Variants in AFF3 observed in about 807,000 individuals in gnomAD.
AFF3 encodes ALF transcription elongation factor 3.
Under a neutral mutation model 129.7 loss-of-function variants are expected in AFF3, and 32 were observed. The observed-to-expected ratio is 0.25, with a 90% CI of 0.19 to 0.33. AFF3 has a LOEUF of 0.33. Ranked by LOEUF, AFF3 falls within the 10% of genes least tolerant of loss-of-function variation. The probability of loss-of-function intolerance (pLI) is 1.00; values close to 1 mark genes in which losing one functional copy is unlikely to be tolerated. For missense variants in AFF3, 1,373 were observed against 1,592.0 expected (o/e 0.86, Z 2.34); for synonymous variants, 644 against 635.4 (o/e 1.01, Z -0.20).
chr2:99,820,731 C>T (rs1162623361), intron 8 of AFF3, among the ~76,000 whole-genome samples: 1 of 52,776 alleles, frequency 1.9e-5, no homozygotes, highest in Admixed American at 1.8e-4. Context: ...TCTTCTGTGA[C>T]CTTTTTCCTA....
At chr2:99,648,917 A>ACTCTCTCT (rs769906171) in intron 13 of AFF3, among the ~76,000 whole-genome samples, 89 of 46,850 alleles carry the variant, frequency 1.9e-3, no homozygotes, top group Middle Eastern at 0.011. Context: ...ACACACACAC[A>ACTCTCTCT]CTCTCTCTCT....
At chr2:99,883,600 C>CT (rs1275923099) in intron 7 of AFF3, among the ~76,000 whole-genome samples, 1 of 152,142 alleles carries the variant, frequency 6.6e-6, no homozygotes, top group African/African-American at 2.4e-5. Flanking sequence ...CCTCAAAGGT[C>CT]TTTTTTCTTT....
chr2:100,105,471 T>G, intron 3 of AFF3, 33 bp downstream of exon 3: 1 of 1,324,908 alleles, frequency 7.5e-7, no homozygotes, highest in Non-Finnish European at 1.0e-6. Flanking sequence ...TGGCCAGCCC[T>G]GGAAACCAAC....
intron 7 of AFF3, among the ~76,000 whole-genome samples, chr2:99,972,928 C>G (rs1301737118): frequency 1.3e-5 from 2 of 152,184 alleles, no homozygotes; most frequent in African/African-American, 4.8e-5. Context: ...CTTTGTTAAA[C>G]CTGGCACCAG....
chr2:100,041,016 G>A (rs1202848670), intron 4 of AFF3, among the ~76,000 whole-genome samples: 1 of 152,244 alleles, frequency 6.6e-6, no homozygotes, highest in Non-Finnish European at 1.5e-5. Flanking sequence ...TCAATGCAGA[G>A]CCAAAGCCTG....
At chr2:99,812,382 A>G (rs891562577) in intron 8 of AFF3, among the ~76,000 whole-genome samples, 1 of 152,334 alleles carries the variant, frequency 6.6e-6, no homozygotes, top group Non-Finnish European at 1.5e-5. Context: ...CTGAAAAGTC[A>G]TGATCACCTG....
intron 8 of AFF3, among the ~76,000 whole-genome samples, chr2:99,784,595 C>T (rs1443028068): frequency 6.6e-6 from 1 of 152,184 alleles, no homozygotes; most frequent in African/African-American, 2.4e-5. Context: ...CGGCATAAAG[C>T]TTTGCGCAGT....
At chr2:100,071,946 T>C (rs1688221383) in intron 4 of AFF3, among the ~76,000 whole-genome samples, 1 of 152,216 alleles carries the variant, frequency 6.6e-6, no homozygotes, top group Non-Finnish European at 1.5e-5. Flanking sequence ...GCATTTATCA[T>C]GTATTTTTAT....
In AFF3 at chr2:100,122,691, T is replaced by A. The variant is rs896721452; in HGVS notation, c.-145+6533A>T. Among the ~76,000 whole-genome samples the A allele has an allele frequency of 7.2e-5, 11 of 152,184 alleles. No homozygotes were observed. The East Asian group carries it at 2.1e-3, about 29-fold the overall frequency. ...AGAAGAGAGGAAAGCAAAATGGCTG[T>A]TTGATAAATGAAGTCAATGTTTCTC... On this transcript the variant is annotated intron_variant, in intron 2 of 24. Coordinates refer to ENST00000672756, the MANE Select transcript of AFF3 (RefSeq NM_001386135.1).
chr2:99,873,728 GTT>G (rs112561437), intron 7 of AFF3, among the ~76,000 whole-genome samples: 16 of 138,794 alleles, frequency 1.2e-4, no homozygotes, highest in Non-Finnish European at 1.3e-4. Context: ...CATCTTAGTG[GTT>G]TTTTTTTTTT....
chr2:99,945,964 A>G (rs1307291674), intron 7 of AFF3, among the ~76,000 whole-genome samples: 9 of 152,248 alleles, frequency 5.9e-5, no homozygotes, highest in African/African-American at 1.9e-4. Flanking sequence ...ATTAGTATCA[A>G]TGACTACGTA....
intron 7 of AFF3, among the ~76,000 whole-genome samples, chr2:99,937,698 T>C (rs1037412276): frequency 7.9e-5 from 12 of 152,160 alleles, no homozygotes; most frequent in Admixed American, 7.2e-4. Flanking sequence ...CGCCCGGCCC[T>C]GCATTTGATT....
At chr2:99,703,153 G>C (rs776545553) in intron 11 of AFF3, among the ~76,000 whole-genome samples, 1 of 152,210 alleles carries the variant, frequency 6.6e-6, no homozygotes, top group African/African-American at 2.4e-5. Context: ...ATGATGCAGG[G>C]CTGTGTTCCT....
At chr2:99,816,265 C>A (rs1687225629) in intron 8 of AFF3, among the ~76,000 whole-genome samples, 1 of 152,148 alleles carries the variant, frequency 6.6e-6, no homozygotes, top group African/African-American at 2.4e-5. Flanking sequence ...TTTACCTTCT[C>A]CATAAGAGCC....
chr2:99,975,167 G>C (rs1377850419), intron 7 of AFF3, among the ~76,000 whole-genome samples: 1 of 152,140 alleles, frequency 6.6e-6, no homozygotes, highest in East Asian at 1.9e-4. Context: ...AAGCTCACTG[G>C]GTCTTTTCTC....
At chr2:99,898,013 A>G (rs1171995768) in intron 7 of AFF3, among the ~76,000 whole-genome samples, 2 of 152,218 alleles carry the variant, frequency 1.3e-5, no homozygotes, top group East Asian at 3.9e-4. Context: ...ACCTCATCTG[A>G]TAAGCTGGGT....
intron 8 of AFF3, among the ~76,000 whole-genome samples, chr2:99,772,791 C>G (rs937406446): frequency 3.9e-5 from 6 of 152,180 alleles, no homozygotes; most frequent in Non-Finnish European, 8.8e-5. Flanking sequence ...AAGTTGAACA[C>G]AAAGAAGGGG....
In AFF3 at chr2:99,551,104, C is replaced by A. The variant is rs1446548620; in HGVS notation, c.*370G>T. 1 of 428,558 alleles carries A rather than the reference C, an allele frequency of 2.3e-6. No homozygotes were observed. Among genetic ancestry groups the A allele is most frequent in the African/African-American group, 2.0e-5 (1 of 50,394 alleles). The allele number at this position is 428,558 out of a possible 1,614,324, so 26.5% of individuals were successfully genotyped here. A position where few individuals can be genotyped will look rare whatever the true frequency, so the allele number is the denominator to read the frequency against. On this transcript the variant is annotated 3_prime_UTR_variant, in exon 25 of 25. Transcript: ENST00000672756. ...AATTTTCTAAGAAGTCACGGTTTAG[C>A]ACTGGAATGGAATAGAAAGTGTGTG...
At chr2:99,935,432 A>G (rs954641614) in intron 7 of AFF3, among the ~76,000 whole-genome samples, 1 of 152,180 alleles carries the variant, frequency 6.6e-6, no homozygotes, top group Non-Finnish European at 1.5e-5. Context: ...GGGAGAGGGG[A>G]GCAGGTATTT....
Sources: allele counts gnomAD v4.1 joint callset (sites outside exome capture counted in the v4.1 genomes callset), GRCh38; gene constraint gnomAD v4.1.1; transcripts MANE v1.5; gene names NCBI Gene and HGNC (gene_info 2026-07-23, HGNC 2026-07-21).